FARS2: variants seen among roughly 807,000 people sequenced by gnomAD.
The protein encoded by FARS2 is phenylalanine--tRNA ligase, mitochondrial.
A neutral mutation model predicts 46.4 loss-of-function variants in FARS2; 40 were observed. The ratio of observed to expected loss-of-function variants is 0.86; its 90% CI spans 0.67 to 1.12. The LOEUF is 1.12. FARS2 is among the 50% of genes most tolerant of loss of function. FARS2 has a pLI of 0.00. For missense variants in FARS2, 513 were observed against 567.9 expected (o/e 0.90, Z 0.98); for synonymous variants, 234 against 214.9 (o/e 1.09, Z -0.78).
At chr6:5,513,150 C>T (rs981498617) in intron 4 of FARS2, among the ~76,000 whole-genome samples, 3 of 151,910 alleles carry the variant, frequency 2.0e-5, no homozygotes, top group African/African-American at 4.8e-5. Context: ...ACTAGGTTCA[C>T]GAAGGAATCC....
intron 1 of FARS2, among the ~76,000 whole-genome samples, chr6:5,314,290 G>T (rs1303213183): frequency 6.6e-6 from 1 of 152,152 alleles, no homozygotes; most frequent in Non-Finnish European, 1.5e-5. Flanking sequence ...TATTGAAGAG[G>T]TGGGTTCAGC....
intron 4 of FARS2, among the ~76,000 whole-genome samples, chr6:5,464,621 T>TA (rs1206429048): frequency 1.3e-5 from 2 of 152,204 alleles, no homozygotes; most frequent in African/African-American, 4.8e-5. Flanking sequence ...CTCAACCTAT[T>TA]AGATACCTAT....
intron 2 of FARS2, among the ~76,000 whole-genome samples, chr6:5,381,990 A>T (rs1759825717): frequency 6.6e-6 from 1 of 152,234 alleles, no homozygotes; most frequent in African/African-American, 2.4e-5. Context: ...AGGCGGACAG[A>T]TAGCCAAAGA....
chr6:5,766,465 C>T (rs1360171596), intron 6 of FARS2, among the ~76,000 whole-genome samples: 2 of 152,244 alleles, frequency 1.3e-5, no homozygotes, highest in African/African-American at 2.4e-5. Flanking sequence ...CCAGCTGTGC[C>T]CTCTGTTGGT....
At chr6:5,532,335 C>G (rs1462459272) in intron 4 of FARS2, among the ~76,000 whole-genome samples, 1 of 152,212 alleles carries the variant, frequency 6.6e-6, no homozygotes, top group African/African-American at 2.4e-5. Context: ...TGTGATCTTG[C>G]TCGAACACTG....
chr6:5,692,650 TAAAC>T (rs1443615324), intron 6 of FARS2, among the ~76,000 whole-genome samples: 6 of 152,248 alleles, frequency 3.9e-5, no homozygotes, highest in Non-Finnish European at 8.8e-5. Context: ...CTGTTTATGT[TAAAC>T]AATGTTAGCA....
intron 1 of FARS2, among the ~76,000 whole-genome samples, chr6:5,355,619 A>G (rs1757869528): frequency 6.6e-6 from 1 of 151,820 alleles, no homozygotes. Flanking sequence ...GGCCTCCCAA[A>G]GTGCTGGGAT....
intron 3 of FARS2, among the ~76,000 whole-genome samples, chr6:5,422,039 A>T (rs954299002): frequency 6.6e-6 from 1 of 152,162 alleles, no homozygotes; most frequent in East Asian, 1.9e-4. Context: ...TGAGACTGGG[A>T]GGAAAAATAG....
At chr6:5,324,598 A>G (rs1242442270) in intron 1 of FARS2, among the ~76,000 whole-genome samples, 1 of 152,088 alleles carries the variant, frequency 6.6e-6, no homozygotes, top group Admixed American at 6.5e-5. Flanking sequence ...ATGTCAGTGA[A>G]GAAACAGTTG....
chr6:5,678,949 C>T (rs1778896757), intron 6 of FARS2, among the ~76,000 whole-genome samples: 1 of 152,200 alleles, frequency 6.6e-6, no homozygotes, highest in Non-Finnish European at 1.5e-5. Context: ...TCCCCACTGT[C>T]TGTTTTATGA....
intron 3 of FARS2, among the ~76,000 whole-genome samples, chr6:5,405,799 G>A (rs1407046272): frequency 6.6e-6 from 1 of 152,144 alleles, no homozygotes; most frequent in Non-Finnish European, 1.5e-5. Context: ...GCCCAGTGGA[G>A]CAAGGTTCTT....
chr6:5,589,553 G>T (rs548375481), intron 5 of FARS2, among the ~76,000 whole-genome samples: 1 of 152,202 alleles, frequency 6.6e-6, no homozygotes, highest in Non-Finnish European at 1.5e-5. Context: ...GAGCCTGCTC[G>T]ATTTGTACAC....
At chr6:5,321,638 A>G (rs1426008226) in intron 1 of FARS2, among the ~76,000 whole-genome samples, 1 of 77,496 alleles carries the variant, frequency 1.3e-5, no homozygotes, top group African/African-American at 7.6e-5. Context: ...GGTGTCTTCT[A>G]TGTTTTAATT....
intron 6 of FARS2, among the ~76,000 whole-genome samples, chr6:5,735,271 A>T (rs1334163262): frequency 6.6e-6 from 1 of 152,250 alleles, no homozygotes; most frequent in East Asian, 1.9e-4. Flanking sequence ...AATAAGTAGC[A>T]GAACTGTAGT....
At chr6:5,382,612 A>G (rs1343588686) in intron 2 of FARS2, among the ~76,000 whole-genome samples, 1 of 152,226 alleles carries the variant, frequency 6.6e-6, no homozygotes, top group Non-Finnish European at 1.5e-5. Context: ...GAAGTCTACA[A>G]CCAACTCAGG....
chr6:5,605,973 C>T (rs1005165346), intron 5 of FARS2, among the ~76,000 whole-genome samples: 4 of 152,038 alleles, frequency 2.6e-5, no homozygotes, highest in Admixed American at 6.6e-5. Context: ...GTAGTTAAGA[C>T]GCTGTTACTG....
intron 1 of FARS2, among the ~76,000 whole-genome samples, chr6:5,309,373 T>C (rs1768936757): frequency 6.6e-6 from 1 of 152,120 alleles, no homozygotes. Context: ...GGCAGGATTG[T>C]GTGAGATTCT....
At chr6:5,430,834 G>GT (rs1763119708) in intron 3 of FARS2, among the ~76,000 whole-genome samples, 1 of 152,074 alleles carries the variant, frequency 6.6e-6, no homozygotes, top group Non-Finnish European at 1.5e-5. Context: ...TACGCAAAGT[G>GT]TTTTTTATAT....
In FARS2 at chr6:5,408,774, C is replaced by T. The variant is rs78463250; in HGVS notation, c.772+4073C>T. ...GGGAGCACATGACGAAAGAGTAATA[C>T]GATCAAAGAGCAACGGTCATGGCTG... On this transcript the variant is annotated intron_variant, in intron 3 of 6. Coordinates refer to ENST00000274680, the MANE Select transcript of FARS2 (RefSeq NM_006567.5). 5.5e-3 allele frequency among the ~76,000 whole-genome samples: 834 copies of T among 152,198 alleles called. 6 individuals carry two copies. Among genetic ancestry groups the T allele is most frequent in the African/African-American group, 0.019 (780 of 41,528 alleles).
Sources: allele counts gnomAD v4.1 joint callset (sites outside exome capture counted in the v4.1 genomes callset), GRCh38; gene constraint gnomAD v4.1.1; transcripts MANE v1.5; gene names NCBI Gene and HGNC (gene_info 2026-07-23, HGNC 2026-07-21).